The following OR56A3 variants were observed in gnomAD, a reference collection of about 807,000 sequenced individuals.
The protein encoded by OR56A3 is olfactory receptor family 56 subfamily A member 3.
OR56A3 carries 23 observed loss-of-function variants against 17.5 expected under a neutral mutation model. That is an observed-to-expected ratio of 1.32 (90% CI 0.95 to 1.87). The LOEUF is 1.87. OR56A3 is among the 40% of genes most tolerant of loss of function. The pLI is 0.00. For missense variants in OR56A3, 366 were observed against 380.1 expected, an observed-to-expected ratio of 0.96 and a Z score of 0.31; for synonymous variants, 175 against 150.6, an observed-to-expected ratio of 1.16 and a Z score of -1.19.
the OR56A3 span, among the ~76,000 whole-genome samples, chr11:5,957,282 A>G: frequency 1.3e-5 from 2 of 152,172 alleles, no homozygotes; most frequent in Admixed American, 6.5e-5. Context: ...CTATCCTACT[A>G]TAACTTATAC....
In OR56A3 at chr11:5,950,467, A is replaced by T. The variant is rs1847901264; in HGVS notation, c.*2173A>T. 1 of 152,176 alleles carries T rather than the reference A, an allele frequency of 6.6e-6. No individual in the cohort carries two copies. The highest frequency in any genetic ancestry group is 6.5e-5 in the Admixed American group (1 of 15,278). The allele number at this position is 152,176 out of a possible 1,614,324, so 9.4% of individuals were successfully genotyped here. On this transcript the variant is annotated 3_prime_UTR_variant, in exon 3 of 3. Transcript: ENST00000641160. ...TAAACAATGTCAAAACAATATCGGCATATATTTATTTGAAAAACAAGGTGA... is the reference window on the plus strand; with the variant it reads ...TAAACAATGTCAAAACAATATCGGCTTATATTTATTTGAAAAACAAGGTGA...
the OR56A3 span, among the ~76,000 whole-genome samples, chr11:5,995,455 A>G: frequency 6.6e-6 from 1 of 152,120 alleles, no homozygotes; most frequent in Non-Finnish European, 1.5e-5. Flanking sequence ...AATCTTGGTG[A>G]TGGTCACATG....
the OR56A3 span, among the ~76,000 whole-genome samples, chr11:6,007,338 T>TA: frequency 6.6e-6 from 1 of 152,214 alleles, no homozygotes; most frequent in African/African-American, 2.4e-5. Flanking sequence ...TGTCAAAGGA[T>TA]ATAAAATTTC....
downstream of OR56A3, among the ~76,000 whole-genome samples, chr11:5,952,547 AG>A (rs1166967460): frequency 2.6e-5 from 4 of 151,794 alleles, no homozygotes; most frequent in African/African-American, 9.7e-5. Context: ...TTTTAGATTC[AG>A]GGGGTACATG....
the OR56A3 span, chr11:5,994,160 G>C: frequency 2.0e-6 from 1 of 508,620 alleles, no homozygotes; most frequent in Non-Finnish European, 3.8e-6. Flanking sequence ...CCATTGAGCT[G>C]CTCCATCTGC....
chr11:5,962,427 C>T, the OR56A3 span, among the ~76,000 whole-genome samples: 181 of 151,854 alleles, frequency 1.2e-3, 1 homozygote, highest in African/African-American at 4.2e-3. Context: ...TTGGAGAATT[C>T]TCTCCTCTTT....
chr11:5,995,699 C>A, the OR56A3 span, among the ~76,000 whole-genome samples: 2 of 152,134 alleles, frequency 1.3e-5, no homozygotes, highest in African/African-American at 4.8e-5. Flanking sequence ...AGCTAATTAG[C>A]ATATACACTA....
At chr11:6,011,204 T>TATATATATATATATATATATATA in the OR56A3 span, among the ~76,000 whole-genome samples, 22 of 122,512 alleles carry the variant, frequency 1.8e-4, no homozygotes, top group African/African-American at 6.4e-4. Context: ...GAGATTTATT[T>TATATATATATATATATATATATA]TATATATATA....
At chr11:5,944,773 C>T (rs1173607224) in intron 1 of OR56A3, 33 bp from the exon 2 acceptor site, 6 of 152,158 alleles carry the variant, frequency 3.9e-5, no homozygotes, top group Non-Finnish European at 7.3e-5. Context: ...TTGAACTTAT[C>T]AGGTCATTAC....
the OR56A3 span, among the ~76,000 whole-genome samples, chr11:5,958,683 C>A: frequency 3.3e-5 from 5 of 152,196 alleles, 1 homozygote; most frequent in South Asian, 4.1e-4. Context: ...TGTATTATAT[C>A]ATTATTAACT....
intron 1 of OR56A3, among the ~76,000 whole-genome samples, chr11:5,944,030 G>A (rs779721702): frequency 3.3e-5 from 5 of 152,126 alleles, no homozygotes; most frequent in Non-Finnish European, 7.4e-5. Context: ...AGACAGAGAA[G>A]GAAAAGAAGT....
the OR56A3 span, among the ~76,000 whole-genome samples, chr11:5,960,538 G>T: frequency 1.3e-5 from 2 of 152,230 alleles, no homozygotes; most frequent in African/African-American, 4.8e-5. Flanking sequence ...CGGGATTGCA[G>T]ACGGAGTCTC....
the OR56A3 span, among the ~76,000 whole-genome samples, chr11:5,965,376 T>C: frequency 6.6e-6 from 1 of 152,188 alleles, no homozygotes; most frequent in African/African-American, 2.4e-5. Context: ...GAGTCAAAAG[T>C]AACACATCTT....
the OR56A3 span, chr11:5,995,065 G>A: frequency 3.1e-5 from 19 of 614,958 alleles, no homozygotes; most frequent in Non-Finnish European, 4.7e-5. Context: ...GACGCTGGCC[G>A]CACTGCTGAC....
rs1847905211 is a variant in OR56A3 at position 5,951,114 on chromosome 11, A to T, written c.*2820A>T. 1 of 152,122 alleles carries T rather than the reference A, an allele frequency of 6.6e-6. No individual in the cohort carries two copies. The highest frequency in any genetic ancestry group is 1.5e-5 in the Non-Finnish European group (1 of 67,994). The allele number at this position is 152,122 out of a possible 1,614,324, so 9.4% of individuals were successfully genotyped here. ...CCAAGGTGAGAAGATTTATTTTTAA[A>T]AGAAGTTTTAGTTACTGGGTTTTTA... On this transcript the variant is annotated 3_prime_UTR_variant, in exon 3 of 3. Coordinates refer to ENST00000641160, the MANE Select transcript of OR56A3 (RefSeq NM_001003443.3).
the OR56A3 span, chr11:5,999,357 A>G: frequency 1.3e-5 from 2 of 152,218 alleles, no homozygotes; most frequent in African/African-American, 2.4e-5. Context: ...ATGTGTATAT[A>G]ATTTAATGTG....
At chr11:5,981,641 A>T in the OR56A3 span, among the ~76,000 whole-genome samples, 2 of 152,138 alleles carry the variant, frequency 1.3e-5, no homozygotes, top group Admixed American at 6.5e-5. Flanking sequence ...TGCCATCCAG[A>T]TTCTAAATTC....
the OR56A3 span, chr11:6,019,294 C>T: frequency 6.6e-6 from 1 of 151,432 alleles, no homozygotes; most frequent in Admixed American, 6.6e-5. Flanking sequence ...AAATCAAATC[C>T]ACCAACCCAT....
the OR56A3 span, among the ~76,000 whole-genome samples, chr11:5,960,598 T>G: frequency 1.3e-5 from 2 of 152,170 alleles, no homozygotes; most frequent in Non-Finnish European, 2.9e-5. Flanking sequence ...TGGCGTGATC[T>G]CGGCTCGCTA....
Sources: allele counts gnomAD v4.1 joint callset (sites outside exome capture counted in the v4.1 genomes callset), GRCh38; gene constraint gnomAD v4.1.1; transcripts MANE v1.5; gene names NCBI Gene and HGNC (gene_info 2026-07-23, HGNC 2026-07-21).